Variants in MYO7A observed in about 807,000 individuals in gnomAD.
MYO7A encodes myosin VIIA.
In MYO7A, 210 loss-of-function variants were observed where a neutral mutation model predicts 263.8. The observed-to-expected ratio is 0.80, with a 90% confidence interval of 0.71 to 0.89. The LOEUF is 0.89. Among genes scored for constraint, MYO7A ranks in the 40% least tolerant of loss-of-function variants. The pLI is 0.00. For synonymous variants in MYO7A, 1,239 were observed against 1,197.3 expected (o/e 1.03, Z -0.72); for missense variants, 2,820 against 2,968.3 (o/e 0.95, Z 1.16).
intron 46 of MYO7A, chr11:77,212,140 C>A (rs1327423917): frequency 1.5e-6 from 1 of 680,646 alleles, no homozygotes; most frequent in Non-Finnish European, 2.7e-6. Flanking sequence ...AGAAGAAGCT[C>A]AGCCTGGCAG....
intron 14 of MYO7A, among the ~76,000 whole-genome samples, chr11:77,164,734 G>A (rs1555071444): frequency 6.6e-6 from 1 of 152,208 alleles, no homozygotes; most frequent in East Asian, 1.9e-4. Context: ...GCTTCATGAC[G>A]TTGCTGAGGA....
Position 77,156,569 on chromosome 11 carries a change from G to T in MYO7A, c.471-91G>T, listed in dbSNP as rs546766542. On this transcript the variant is annotated intron_variant, in intron 5 of 48. Coordinates refer to ENST00000409709, the MANE Select transcript of MYO7A (RefSeq NM_000260.4). Reference sequence around the variant, plus strand: ...TTGTCAGCTGATATTACAGATGGGGGAGCTGGTGGATGGTGCAGCCTGGGC... The same window carrying T: ...TTGTCAGCTGATATTACAGATGGGGTAGCTGGTGGATGGTGCAGCCTGGGC... The T allele has an allele frequency of 6.5e-5, 102 of 1,558,482 alleles. No homozygotes were observed. The South Asian group carries it at 1.1e-3, about 17-fold the overall frequency.
chr11:77,159,335 G>T, intron 9 of MYO7A, 112 bp from the exon 10 acceptor site: 1 of 924,646 alleles, frequency 1.1e-6, no homozygotes. Flanking sequence ...GCCCTCCCTG[G>T]ACAGGGCAGG....
Position 77,150,739 on chromosome 11 carries a change from G to A in MYO7A, c.285+2789G>A, listed in dbSNP as rs77174844. On this transcript the variant is annotated intron_variant, in intron 4 of 48. Coordinates refer to ENST00000409709, the MANE Select transcript of MYO7A (RefSeq NM_000260.4). ...GGAAGGGCCTCAGCTCCAATAGTCC[G>A]CTGACCTTAGATTCTCAGTGTCTCT... 5.5e-4 allele frequency among the ~76,000 whole-genome samples: 83 copies of A among 152,232 alleles called. No homozygotes were observed. The South Asian group carries it at 6.8e-3, about 13-fold the overall frequency.
chr11:77,169,701 G>A (rs1312039616), intron 15 of MYO7A, among the ~76,000 whole-genome samples: 4 of 152,140 alleles, frequency 2.6e-5, no homozygotes, highest in African/African-American at 9.7e-5. Flanking sequence ...CATTGTCATG[G>A]GTCTTGGGGA....
intron 2 of MYO7A, among the ~76,000 whole-genome samples, chr11:77,141,123 G>C (rs1252550315): frequency 6.6e-6 from 1 of 152,192 alleles, no homozygotes; most frequent in Non-Finnish European, 1.5e-5. Flanking sequence ...ATCCAGCCTA[G>C]GTGTGTAGTG....
In MYO7A at chr11:77,142,760, A is replaced by T. The variant is rs200872817; in HGVS notation, c.70A>T (p.Ile24Phe). 6.2e-7 allele frequency: 1 copy of T among 1,612,336 alleles called. No homozygotes were observed. The highest frequency in any genetic ancestry group is 2.2e-5 in the East Asian group (1 of 44,832). The change falls in exon 3 of 49, where the codon ATC (isoleucine) becomes TTC (phenylalanine). Residue 24 changes from isoleucine to phenylalanine, a missense_variant. By Grantham distance (21) the Ile-to-Phe change is conservative. Transcript: ENST00000409709. ...LRLGQEFDVPIGAVVKLCDSG... is the reference protein window; with the variant it reads ...LRLGQEFDVPFGAVVKLCDSG... The stretch of plus-strand genomic sequence containing the variant: ...ATTGGGGCAGGAGTTCGACGTGCCC[A>T]TCGGGGCGGTGGTGAAGCTCTGCGA...
chr11:77,203,775 C>G lies in MYO7A; in HGVS notation c.5327-301C>G, dbSNP rs115925605. Among the ~76,000 whole-genome samples, 1,006 of 152,254 alleles carry G rather than the reference C, an allele frequency of 6.6e-3. 16 individuals are homozygous for G. The highest frequency in any genetic ancestry group is 0.023 in the African/African-American group (938 of 41,548). On this transcript the variant is annotated intron_variant, in intron 38 of 48. Coordinates refer to ENST00000409709, the MANE Select transcript of MYO7A (RefSeq NM_000260.4). ...ACTGGGCTTAGGCAGGGTTCCCAAG[C>G]CCTGTGAGGAAGCTTGGGCCGTGTC...
Position 77,161,135 on chromosome 11 carries a change from T to G in MYO7A, c.1343+20T>G. ...GAACAGGTACCGCGTGGGGCTCTGC[T>G]CATGGGAATTTCCTTCCCCAATATG... On this transcript the variant is annotated intron_variant, in intron 12 of 48. Transcript: ENST00000409709. 1 of 1,612,364 alleles carries G rather than the reference T, an allele frequency of 6.2e-7. No individual in the cohort carries two copies. The highest frequency in any genetic ancestry group is 8.5e-7 in the Non-Finnish European group (1 of 1,178,524).
At chr11:77,150,587 T>G (rs1203818770) in intron 4 of MYO7A, among the ~76,000 whole-genome samples, 1 of 152,092 alleles carries the variant, frequency 6.6e-6, no homozygotes, top group East Asian at 1.9e-4. Flanking sequence ...CCTTTCTGAC[T>G]TATTTTCTGG....
chr11:77,212,693 AG>A, intron 46 of MYO7A: 1 of 557,986 alleles, frequency 1.8e-6, no homozygotes, highest in South Asian at 2.1e-5. Flanking sequence ...AGGGTCCAGG[AG>A]GCTTTTTAAA....
intron 29 of MYO7A, 44 bp downstream of exon 29, chr11:77,190,183 C>T (rs763112053): frequency 3.3e-5 from 50 of 1,503,166 alleles, no homozygotes; most frequent in East Asian, 2.0e-4. Flanking sequence ...TGTGTGCGCA[C>T]GTGTGTAAAT....
Position 77,163,982 on chromosome 11 carries a change from G to C in MYO7A, c.1690+994G>C, listed in dbSNP as rs139786523. Among the ~76,000 whole-genome samples the C allele has an allele frequency of 3.9e-4, 58 of 148,134 alleles. No individual in the cohort carries two copies. The Middle Eastern group carries it at 0.017, about 44-fold the overall frequency. ...GGGAAACTGAGGCTCAGAACAAGGT[G>C]GGGGGGGCTTGACTGTCCTTACCTG... On this transcript the variant is annotated intron_variant, in intron 14 of 48. Transcript: ENST00000409709.
In MYO7A at chr11:77,156,806, G is replaced by A. The variant is rs782375985; in HGVS notation, c.592+25G>A. 5 of 1,613,964 alleles carry A rather than the reference G, an allele frequency of 3.1e-6. No individual in the cohort carries two copies. The Admixed American group carries it at 8.3e-5, about 27-fold the overall frequency. On this transcript the variant is annotated intron_variant, in intron 6 of 48. Transcript: ENST00000409709. ...GGTAGGACCAGAGTTCCGAGGGTGG[G>A]ACCAGGCAGTGGGGCGGGAGCGGGC... is the stretch of plus-strand genomic sequence containing the variant.
At position 77,183,070 on chromosome 11, in the gene MYO7A, C is replaced by T; in HGVS notation, c.3288C>T (p.Ala1096=). 1 of 1,551,178 alleles carries T rather than the reference C, an allele frequency of 6.4e-7. No individual in the cohort carries two copies. Among genetic ancestry groups the T allele is most frequent in the South Asian group, 1.2e-5 (1 of 84,056 alleles). ...CCTGATCCCTGCTGGTCCTGCAGGC[C>T]CAGCTCCCCGAGGGCCAGAAGAAGA... is the stretch of plus-strand genomic sequence containing the variant. ...ELQALQGEGE[A]QLPEGQKKSS... The change falls in exon 26 of 49, where the codon GCC becomes GCT. Residue 1096 remains alanine (A), a splice_region_variant and synonymous_variant. Coordinates refer to ENST00000409709, the MANE Select transcript of MYO7A (RefSeq NM_000260.4).
At chr11:77,133,381 C>T (rs988824746) in intron 2 of MYO7A, among the ~76,000 whole-genome samples, 2 of 152,140 alleles carry the variant, frequency 1.3e-5, no homozygotes, top group Non-Finnish European at 2.9e-5. Flanking sequence ...GTGTACTTGG[C>T]CCAGATTTGT....
rs1279843654 is a variant in MYO7A at position 77,138,288 on chromosome 11, C to CCGCCGTCGCCGTCGCAGCGCCGCCGT, written c.19-4400_19-4399insGCCGTCGCCGTCGCCGTCGCAGCGCC. On this transcript the variant is annotated intron_variant, in intron 2 of 48. Transcript: ENST00000409709. This position sits in a 1 kb window ranked among gnomAD's most constrained non-coding sequence, Gnocchi z 4.9. Reference sequence around the variant, plus strand: ...GGTGAATTAGGGAGCCGGAGCAGTGCCGCCGTCGCCGTCGCAGCGCCATGG... The same window carrying CCGCCGTCGCCGTCGCAGCGCCGCCGT: ...GGTGAATTAGGGAGCCGGAGCAGTGCCGCCGTCGCCGTCGCAGCGCCGCCGTCGCCGTCGCCGTCGCAGCGCCATGG... 1.6e-3 allele frequency among the ~76,000 whole-genome samples: 244 copies of CCGCCGTCGCCGTCGCAGCGCCGCCGT among 152,184 alleles called. No individual in the cohort carries two copies. Among genetic ancestry groups the CCGCCGTCGCCGTCGCAGCGCCGCCGT allele is most frequent in the Non-Finnish European group, 2.3e-3 (155 of 67,996 alleles).
chr11:77,211,961 A>C, intron 46 of MYO7A, 24 bp downstream of exon 46: 4 of 1,572,968 alleles, frequency 2.5e-6, no homozygotes, highest in Non-Finnish European at 2.6e-6. Flanking sequence ...TTCTCAGAGC[A>C]GAGGAGGAGG....
intron 3 of MYO7A, among the ~76,000 whole-genome samples, chr11:77,145,041 C>A (rs1312141223): frequency 6.6e-5 from 10 of 152,198 alleles, no homozygotes; most frequent in Admixed American, 6.5e-4. Flanking sequence ...CCTTGACCTG[C>A]AGGGTGCTGG....
Sources: gnomAD v4.1 joint callset for allele counts (sites outside exome capture counted in the v4.1 genomes callset) on GRCh38, gnomAD v4.1.1 for gene constraint, Gnocchi (gnomAD v3.1) non-coding constraint, MANE v1.5 for transcripts, NCBI Gene and HGNC (gene_info 2026-07-23, HGNC 2026-07-21) for gene names.